RNF152: variants seen among roughly 807,000 people sequenced by gnomAD.
The protein encoded by RNF152 is E3 ubiquitin-protein ligase RNF152.
A neutral mutation model predicts 12.7 loss-of-function variants in RNF152; 11 were observed. The observed-to-expected ratio is 0.86, with a 90% CI of 0.54 to 1.43. The LOEUF is 1.43. Ranked by LOEUF, RNF152 falls within the 40% of genes most tolerant of loss-of-function variation. The pLI is 0.00. For missense variants in RNF152, 255 were observed against 274.8 expected (o/e 0.93, Z 0.51); for synonymous variants, 113 against 120.3 (o/e 0.94, Z 0.40).
At chr18:61,866,256 C>CG (rs1911720928) in intron 1 of RNF152, among the ~76,000 whole-genome samples, 1 of 152,108 alleles carries the variant, frequency 6.6e-6, no homozygotes, top group Admixed American at 6.5e-5. Flanking sequence ...GACAGCGAGT[C>CG]GGGCCCAGGT....
Position 61,841,798 on chromosome 18 carries a change from T to A in RNF152, c.-135-25200A>T, listed in dbSNP as rs560420990. ...CTCCAACACGGCAGTAAATCACTAA[T>A]CCTGCTTTCAGTGGCAAGGCTGTAG... is the stretch of plus-strand genomic sequence containing the variant. On this transcript the variant is annotated intron_variant, in intron 1 of 1. Coordinates refer to ENST00000312828, the MANE Select transcript of RNF152 (RefSeq NM_173557.3). Among the ~76,000 whole-genome samples, 3 of 152,332 alleles carry A rather than the reference T, an allele frequency of 2.0e-5. No homozygotes were observed. The East Asian group carries it at 5.8e-4, about 29-fold the overall frequency.
At chr18:61,837,122 A>G (rs1358818954) in intron 1 of RNF152, among the ~76,000 whole-genome samples, 2 of 152,186 alleles carry the variant, frequency 1.3e-5, no homozygotes, top group African/African-American at 4.8e-5. Context: ...ATCACGCCTA[A>G]ATGTTCGTCT....
chr18:61,838,420 T>C (rs1910286905), intron 1 of RNF152, among the ~76,000 whole-genome samples: 1 of 152,184 alleles, frequency 6.6e-6, no homozygotes, highest in Non-Finnish European at 1.5e-5. Context: ...GGAGTCATAC[T>C]TACATCCTCC....
At chr18:61,889,953 C>T (rs1912878271) in intron 1 of RNF152, among the ~76,000 whole-genome samples, 2 of 152,164 alleles carry the variant, frequency 1.3e-5, no homozygotes, top group African/African-American at 4.8e-5. Context: ...TACCTAATGG[C>T]CTTTCACTTC....
At chr18:61,823,535 C>G (rs111436184) in intron 1 of RNF152, among the ~76,000 whole-genome samples, 24,720 of 152,180 alleles carry the variant, frequency 0.16, 2,045 homozygotes, top group Middle Eastern at 0.19. Flanking sequence ...CTGACTTCAA[C>G]TGATCTGCCC....
At chr18:61,833,819 T>C (rs1210116589) in intron 1 of RNF152, among the ~76,000 whole-genome samples, 3 of 152,174 alleles carry the variant, frequency 2.0e-5, no homozygotes, top group Non-Finnish European at 4.4e-5. Context: ...AATGGGGTGA[T>C]ACATCACCTA....
At chr18:61,827,592 T>TTATA (rs141984385) in intron 1 of RNF152, among the ~76,000 whole-genome samples, 19,239 of 152,160 alleles carry the variant, frequency 0.13, 1,195 homozygotes, top group African/African-American at 0.14. Context: ...CCAGTGGGTT[T>TTATA]TATAGATATC....
At chr18:61,844,294 C>G (rs1260573180) in intron 1 of RNF152, among the ~76,000 whole-genome samples, 3 of 152,114 alleles carry the variant, frequency 2.0e-5, no homozygotes, top group Admixed American at 2.0e-4. Context: ...AAGTTTAAAA[C>G]TCTACAGAGC....
At chr18:61,888,272 T>C (rs1912789086) in intron 1 of RNF152, 1 of 152,210 alleles carries the variant, frequency 6.6e-6, no homozygotes, top group South Asian at 2.1e-4. Context: ...AGATACACTA[T>C]TTGAGGTCTC....
chr18:61,867,680 C>T (rs1482902806), intron 1 of RNF152, among the ~76,000 whole-genome samples: 3 of 152,152 alleles, frequency 2.0e-5, no homozygotes, highest in Non-Finnish European at 2.9e-5. Context: ...CTCTCCACAT[C>T]GCCGGCCTCA....
At chr18:61,877,398 T>C (rs1220647874) in intron 1 of RNF152, among the ~76,000 whole-genome samples, 1 of 152,222 alleles carries the variant, frequency 6.6e-6, no homozygotes, top group African/African-American at 2.4e-5. Context: ...TATACAGTGA[T>C]TTATTTATTA....
Position 61,878,865 on chromosome 18 carries a change from T to C in RNF152, c.-136+13930A>G, listed in dbSNP as rs373259832. ...TAATACCATCATCTTGGGGTTTAAA[T>C]TCCAACATGAATTTTGGAGGGACAC... is the stretch of plus-strand genomic sequence containing the variant. On this transcript the variant is annotated intron_variant, in intron 1 of 1. Coordinates refer to ENST00000312828, the MANE Select transcript of RNF152 (RefSeq NM_173557.3). 1.1e-3 allele frequency among the ~76,000 whole-genome samples: 170 copies of C among 152,344 alleles called. 2 individuals are homozygous for C. Among genetic ancestry groups the C allele is most frequent in the African/African-American group, 3.7e-3 (154 of 41,578 alleles).
intron 1 of RNF152, among the ~76,000 whole-genome samples, chr18:61,886,063 C>T (rs576613286): frequency 2.4e-4 from 29 of 120,534 alleles, no homozygotes; most frequent in African/African-American, 7.4e-4. Context: ...CTTTGAGTAA[C>T]AACTAATTTT....
rs186295469 is a variant in RNF152 at position 61,813,361 on chromosome 18, C to G, written c.*2491G>C. The G allele has an allele frequency of 1.3e-5, 2 of 151,560 alleles. No individual in the cohort carries two copies. Among genetic ancestry groups the G allele is most frequent in the African/African-American group, 4.9e-5 (2 of 41,154 alleles). 9.4% of individuals were successfully genotyped at this position (151,560 alleles called of 1,614,324 possible). On this transcript the variant is annotated 3_prime_UTR_variant, in exon 2 of 2. Coordinates refer to ENST00000312828, the MANE Select transcript of RNF152 (RefSeq NM_173557.3). ...CAACAAACAGGTACACAAATAACTGCAAGCAGATCCATTTAAACAATTTAA... is the reference window on the plus strand; with the variant it reads ...CAACAAACAGGTACACAAATAACTGGAAGCAGATCCATTTAAACAATTTAA...
intron 1 of RNF152, among the ~76,000 whole-genome samples, chr18:61,825,645 G>C (rs975713901): frequency 6.6e-6 from 1 of 152,152 alleles, no homozygotes; most frequent in African/African-American, 2.4e-5. Context: ...ATCACTGGAG[G>C]TGAAGGGAGG....
chr18:61,825,408 T>G (rs543965662), intron 1 of RNF152, among the ~76,000 whole-genome samples: 111 of 152,272 alleles, frequency 7.3e-4, no homozygotes, highest in Non-Finnish European at 1.4e-3. Flanking sequence ...CATTTGGAAT[T>G]TAAGGAGCCT....
At chr18:61,855,853 G>C (rs1911206659) in intron 1 of RNF152, among the ~76,000 whole-genome samples, 1 of 152,208 alleles carries the variant, frequency 6.6e-6, no homozygotes, top group Non-Finnish European at 1.5e-5. Flanking sequence ...GAGGTTTCCG[G>C]CTGGTGACTC....
intron 1 of RNF152, among the ~76,000 whole-genome samples, chr18:61,846,015 T>G (rs1357565718): frequency 6.6e-6 from 1 of 152,160 alleles, no homozygotes; most frequent in Non-Finnish European, 1.5e-5. Context: ...CGTTCCACCA[T>G]GTGAGGACAC....
chr18:61,817,874 C>A (rs4941063), intron 1 of RNF152, among the ~76,000 whole-genome samples: 5,531 of 152,196 alleles, frequency 0.036, 144 homozygotes, highest in Admixed American at 0.057. Flanking sequence ...GACTCAGTTT[C>A]CCATTGAAAG....
Sources: gnomAD v4.1 joint callset for allele counts (sites outside exome capture counted in the v4.1 genomes callset) on GRCh38, gnomAD v4.1.1 for gene constraint, MANE v1.5 for transcripts, NCBI Gene and HGNC (gene_info 2026-07-23, HGNC 2026-07-21) for gene names.